Variants in PDZRN3 observed in about 807,000 individuals in gnomAD.
The protein encoded by PDZRN3 is PDZ domain containing ring finger 3.
A neutral mutation model predicts 85.7 loss-of-function variants in PDZRN3; 38 were observed. That is an observed-to-expected ratio of 0.44 (90% confidence interval 0.34 to 0.58). The LOEUF is 0.58. Ranked by LOEUF, PDZRN3 falls within the 20% of genes least tolerant of loss-of-function variation. PDZRN3 has a pLI of 0.01. For synonymous variants in PDZRN3, 759 were observed against 638.0 expected, an observed-to-expected ratio of 1.19 and a Z score of -2.86; for missense variants, 1,629 against 1,506.4, an observed-to-expected ratio of 1.08 and a Z score of -1.35.
intron 3 of PDZRN3, among the ~76,000 whole-genome samples, chr3:73,419,239 T>C (rs535824099): frequency 1.2e-4 from 18 of 152,222 alleles, no homozygotes; most frequent in African/African-American, 4.1e-4. Flanking sequence ...AGAGGGGAGT[T>C]CATGTACATG....
chr3:73,581,513 G>C (rs1174249839), intron 3 of PDZRN3, among the ~76,000 whole-genome samples: 1 of 152,154 alleles, frequency 6.6e-6, no homozygotes, highest in African/African-American at 2.4e-5. Flanking sequence ...ATGAGTGTAT[G>C]TTATACATTC....
At chr3:73,397,282 G>A (rs1701658912) in intron 5 of PDZRN3, among the ~76,000 whole-genome samples, 1 of 152,136 alleles carries the variant, frequency 6.6e-6, no homozygotes, top group African/African-American at 2.4e-5. Context: ...TAATATCCAT[G>A]GAACTAGCTG....
At chr3:73,618,776 T>A (rs1193237472) in intron 1 of PDZRN3, among the ~76,000 whole-genome samples, 1 of 152,230 alleles carries the variant, frequency 6.6e-6, no homozygotes, top group Non-Finnish European at 1.5e-5. Context: ...TTTAATCCAG[T>A]GTAGCTGGGT....
intron 3 of PDZRN3, among the ~76,000 whole-genome samples, chr3:73,499,035 C>T (rs569217418): frequency 3.9e-5 from 6 of 152,260 alleles, no homozygotes; most frequent in East Asian, 1.9e-4. Context: ...GCCTGAGAGA[C>T]GAGGTTTAAC....
At chr3:73,485,386 T>C (rs1045075144) in intron 3 of PDZRN3, among the ~76,000 whole-genome samples, 1 of 151,530 alleles carries the variant, frequency 6.6e-6, no homozygotes, top group Admixed American at 6.6e-5. Context: ...TTCCTCAAAC[T>C]CTTTTTACTT....
chr3:73,562,046 A>G (rs1394873818), intron 3 of PDZRN3, among the ~76,000 whole-genome samples: 1 of 152,188 alleles, frequency 6.6e-6, no homozygotes, highest in Non-Finnish European at 1.5e-5. Context: ...AAATTCATAA[A>G]TTCTGGTCAA....
intron 3 of PDZRN3, among the ~76,000 whole-genome samples, chr3:73,467,323 A>T (rs1366555291): frequency 6.6e-6 from 1 of 152,222 alleles, no homozygotes; most frequent in Non-Finnish European, 1.5e-5. Context: ...AAGCAGCAGG[A>T]TGGCAAAGCC....
intron 3 of PDZRN3, among the ~76,000 whole-genome samples, chr3:73,522,141 A>G (rs548881571): frequency 6.6e-6 from 1 of 152,342 alleles, no homozygotes; most frequent in Non-Finnish European, 1.5e-5. Flanking sequence ...CTTTCATGCC[A>G]CGTCAGTAGT....
At chr3:73,454,519 C>T (rs1042338643) in intron 3 of PDZRN3, among the ~76,000 whole-genome samples, 5 of 152,174 alleles carry the variant, frequency 3.3e-5, no homozygotes, top group African/African-American at 1.2e-4. Context: ...AAGGACGACA[C>T]GTAACCTATC....
At chr3:73,608,470 A>G in intron 2 of PDZRN3, 128 bp downstream of exon 2, 1 of 692,758 alleles carries the variant, frequency 1.4e-6, no homozygotes, top group Non-Finnish European at 2.6e-6. Context: ...CAGCCAATGA[A>G]CCCTCTAATG....
chr3:73,508,175 A>T (rs1458674880), intron 3 of PDZRN3, among the ~76,000 whole-genome samples: 1 of 151,324 alleles, frequency 6.6e-6, no homozygotes, highest in Non-Finnish European at 1.5e-5. Flanking sequence ...ACTTCAAAAA[A>T]CCTCTCTTCC....
intron 3 of PDZRN3, among the ~76,000 whole-genome samples, chr3:73,460,687 T>G (rs1470890556): frequency 2.0e-5 from 3 of 152,190 alleles, no homozygotes; most frequent in Admixed American, 6.5e-5. Flanking sequence ...AAATAAGAAG[T>G]TGATCAAAGA....
intron 3 of PDZRN3, among the ~76,000 whole-genome samples, chr3:73,479,648 C>T (rs1476617658): frequency 6.6e-6 from 1 of 152,146 alleles, no homozygotes; most frequent in Non-Finnish European, 1.5e-5. Flanking sequence ...TTTCCCTTTT[C>T]CCTTGGTCTC....
intron 3 of PDZRN3, among the ~76,000 whole-genome samples, chr3:73,521,581 G>A (rs995297498): frequency 6.6e-6 from 1 of 152,144 alleles, no homozygotes; most frequent in South Asian, 2.1e-4. Context: ...GAGGGCCTGA[G>A]ATTCTAGAAG....
chr3:73,503,936 T>C (rs1237663199), intron 3 of PDZRN3, among the ~76,000 whole-genome samples: 3 of 152,248 alleles, frequency 2.0e-5, no homozygotes, highest in East Asian at 1.9e-4. Context: ...AGTCGACTTC[T>C]GCATCTGAAA....
chr3:73,523,177 T>C (rs953148622), intron 3 of PDZRN3, among the ~76,000 whole-genome samples: 1 of 152,042 alleles, frequency 6.6e-6, no homozygotes, highest in South Asian at 2.1e-4. Context: ...CAGGCATGCA[T>C]CACCATGCCC....
chr3:73,555,201 G>A (rs1475981602), intron 3 of PDZRN3, among the ~76,000 whole-genome samples: 1 of 152,016 alleles, frequency 6.6e-6, no homozygotes, highest in Admixed American at 6.5e-5. Flanking sequence ...CATTTTTAAG[G>A]AACATTTTGG....
intron 3 of PDZRN3, among the ~76,000 whole-genome samples, chr3:73,499,927 C>T (rs564246998): frequency 3.3e-5 from 5 of 152,202 alleles, no homozygotes; most frequent in African/African-American, 9.6e-5. Context: ...GCTGGCCACA[C>T]AGAAAGCCTG....
rs185190722 is a variant in PDZRN3 at position 73,432,958 on chromosome 3, G to C, written c.919-28563C>G. Among the ~76,000 whole-genome samples, 43 of 152,258 alleles carry C rather than the reference G, an allele frequency of 2.8e-4. 2 individuals carry two copies. Among genetic ancestry groups the C allele is most frequent in the Admixed American group, 2.4e-3 (37 of 15,304 alleles). ...ATTTAAAAATAAAACATTTGACAAA[G>C]ATGTAAGATAAATTATCTGGGTTGT... On this transcript the variant is annotated intron_variant, in intron 3 of 9. Coordinates refer to ENST00000263666, the MANE Select transcript of PDZRN3 (RefSeq NM_015009.3).
Sources: allele counts gnomAD v4.1 joint callset (sites outside exome capture counted in the v4.1 genomes callset), GRCh38; gene constraint gnomAD v4.1.1; transcripts MANE v1.5; gene names NCBI Gene and HGNC (gene_info 2026-07-23, HGNC 2026-07-21).